KCNIP4: variants seen among roughly 807,000 people sequenced by gnomAD.
KCNIP4 encodes Kv channel-interacting protein 4.
A neutral mutation model predicts 34.0 loss-of-function variants in KCNIP4; 12 were observed. The observed-to-expected ratio is 0.35, with a 90% confidence interval of 0.23 to 0.57. KCNIP4 has a LOEUF of 0.57. Ranked by LOEUF, KCNIP4 falls within the 20% of genes least tolerant of loss-of-function variation. KCNIP4 has a pLI of 0.83. For synonymous variants in KCNIP4, 124 were observed against 102.2 expected, an observed-to-expected ratio of 1.21 and a Z score of -1.29; for missense variants, 238 against 311.7, an observed-to-expected ratio of 0.76 and a Z score of 1.78.
chr4:21,358,411 T>G (rs1718880785), intron 1 of KCNIP4, among the ~76,000 whole-genome samples: 1 of 152,180 alleles, frequency 6.6e-6, no homozygotes, highest in Non-Finnish European at 1.5e-5. Flanking sequence ...CATAATCAAA[T>G]AGATCCTCCG....
At chr4:21,694,971 A>G (rs891296056) in intron 1 of KCNIP4, among the ~76,000 whole-genome samples, 3 of 150,966 alleles carry the variant, frequency 2.0e-5, no homozygotes. Flanking sequence ...TGGTAAAAAG[A>G]AAAAAAATCA....
At chr4:20,953,165 A>G (rs1005268821) in intron 1 of KCNIP4, among the ~76,000 whole-genome samples, 1 of 152,164 alleles carries the variant, frequency 6.6e-6, no homozygotes, top group Non-Finnish European at 1.5e-5. Flanking sequence ...TGTCTGTTTG[A>G]CTCAACTGTC....
At chr4:21,311,340 A>C (rs1430552032) in intron 1 of KCNIP4, among the ~76,000 whole-genome samples, 1 of 152,182 alleles carries the variant, frequency 6.6e-6, no homozygotes, top group African/African-American at 2.4e-5. Context: ...GAAGCTGACC[A>C]CCATCTTCAC....
At chr4:20,858,906 C>A (rs1721904309) in intron 2 of KCNIP4, among the ~76,000 whole-genome samples, 1 of 152,288 alleles carries the variant, frequency 6.6e-6, no homozygotes, top group Non-Finnish European at 1.5e-5. Flanking sequence ...CAAGGTCATA[C>A]AGCTTACAAG....
intron 1 of KCNIP4, among the ~76,000 whole-genome samples, chr4:20,892,143 T>A (rs1371610088): frequency 1.3e-5 from 2 of 152,200 alleles, no homozygotes; most frequent in East Asian, 3.9e-4. Context: ...TTTTAACTTT[T>A]TGAACTTGGG....
At chr4:21,157,407 T>C (rs574728392) in intron 1 of KCNIP4, among the ~76,000 whole-genome samples, 1 of 152,184 alleles carries the variant, frequency 6.6e-6, no homozygotes, top group Non-Finnish European at 1.5e-5. Flanking sequence ...CTTTCAATTC[T>C]GATCAAGATG....
At chr4:21,485,442 G>A (rs1731818365) in intron 1 of KCNIP4, among the ~76,000 whole-genome samples, 1 of 152,022 alleles carries the variant, frequency 6.6e-6, no homozygotes, top group African/African-American at 2.4e-5. Context: ...GCATACATGT[G>A]CCCTATATTC....
At chr4:21,266,198 T>A (rs1005032015) in intron 1 of KCNIP4, among the ~76,000 whole-genome samples, 2 of 152,192 alleles carry the variant, frequency 1.3e-5, no homozygotes, top group African/African-American at 4.8e-5. Flanking sequence ...TGTGAATTTA[T>A]TTGAACTCAG....
chr4:20,785,586 T>C (rs1212391302), intron 3 of KCNIP4, among the ~76,000 whole-genome samples: 1 of 152,104 alleles, frequency 6.6e-6, no homozygotes, highest in Non-Finnish European at 1.5e-5. Context: ...GGTTCTAAGA[T>C]CAGTGATGCT....
At chr4:21,801,658 G>A (rs1721006189) in intron 1 of KCNIP4, among the ~76,000 whole-genome samples, 1 of 151,816 alleles carries the variant, frequency 6.6e-6, no homozygotes, top group African/African-American at 2.4e-5. Context: ...ACCCCGGCTG[G>A]AGTGCAGTGG....
intron 1 of KCNIP4, among the ~76,000 whole-genome samples, chr4:21,075,054 C>G (rs1365598743): frequency 6.6e-6 from 1 of 152,126 alleles, no homozygotes; most frequent in Non-Finnish European, 1.5e-5. Flanking sequence ...AGCTTTACTT[C>G]CAACTATGTG....
intron 1 of KCNIP4, among the ~76,000 whole-genome samples, chr4:21,810,423 G>C (rs1477023175): frequency 6.6e-6 from 1 of 152,042 alleles, no homozygotes; most frequent in Admixed American, 6.6e-5. Flanking sequence ...GGGCGCGGTG[G>C]CTCAAGCCTG....
chr4:20,828,884 A>G (rs554184555), intron 3 of KCNIP4, among the ~76,000 whole-genome samples: 1 of 152,320 alleles, frequency 6.6e-6, no homozygotes, highest in Admixed American at 6.5e-5. Flanking sequence ...TAGGACAAAC[A>G]CATTTTTTCA....
intron 1 of KCNIP4, among the ~76,000 whole-genome samples, chr4:21,378,097 A>G (rs1167982853): frequency 6.6e-6 from 1 of 152,144 alleles, no homozygotes; most frequent in Non-Finnish European, 1.5e-5. Flanking sequence ...CCGCATTGCT[A>G]TCTAGGTTAC....
At chr4:21,684,885 C>T (rs973469573) in intron 1 of KCNIP4, among the ~76,000 whole-genome samples, 2 of 151,976 alleles carry the variant, frequency 1.3e-5, no homozygotes, top group East Asian at 3.9e-4. Flanking sequence ...TGTTCTCACT[C>T]ATAGGTGGGA....
chr4:21,501,688 TTGTGTGTG>T, intron 1 of KCNIP4, among the ~76,000 whole-genome samples: 1 of 127,318 alleles, frequency 7.9e-6, no homozygotes, highest in East Asian at 2.2e-4. Flanking sequence ...TGCAGAAGCC[TTGTGTGTG>T]TGTGTGTGTG....
At chr4:21,051,134 G>T (rs1172798324) in intron 1 of KCNIP4, among the ~76,000 whole-genome samples, 1 of 152,210 alleles carries the variant, frequency 6.6e-6, no homozygotes, top group African/African-American at 2.4e-5. Flanking sequence ...ATTCATGGTT[G>T]TTCCTCTGTG....
chr4:21,621,962 C>G (rs574491641), intron 1 of KCNIP4, among the ~76,000 whole-genome samples: 1 of 152,130 alleles, frequency 6.6e-6, no homozygotes, highest in Non-Finnish European at 1.5e-5. Flanking sequence ...TAAAGGGATC[C>G]TCACCCTACT....
chr4:21,146,258 C>A (rs867035572), intron 1 of KCNIP4, among the ~76,000 whole-genome samples: 2 of 151,954 alleles, frequency 1.3e-5, no homozygotes, highest in African/African-American at 2.4e-5. Flanking sequence ...ATTAGCCAGG[C>A]GTGGTGGCGG....
Sources: allele counts gnomAD v4.1 joint callset (sites outside exome capture counted in the v4.1 genomes callset), GRCh38; gene constraint gnomAD v4.1.1; transcripts MANE v1.5; gene names NCBI Gene and HGNC (gene_info 2026-07-23, HGNC 2026-07-21).